Variants in KDM4B observed in about 807,000 individuals in gnomAD.
KDM4B encodes the protein lysine-specific demethylase 4B.
In KDM4B, 32 loss-of-function variants were observed where a neutral mutation model predicts 125.2. That is an observed-to-expected ratio of 0.26 (90% CI 0.19 to 0.34). KDM4B has a LOEUF of 0.34. KDM4B is among the 10% of genes least tolerant of loss of function. The pLI is 1.00. For missense variants in KDM4B, 1,190 were observed against 1,577.7 expected (o/e 0.75, Z 4.16); for synonymous variants, 721 against 677.9 (o/e 1.06, Z -0.99).
At position 5,105,789 on chromosome 19, in the gene KDM4B, C is replaced by T. The variant is rs779952072; in HGVS notation, c.919-4833C>T. ...AGTGACTGTTTGCAGCTTTACAGGC[C>T]GTGCATTCCCCATCTTGAATGTTCA... On this transcript the variant is annotated intron_variant, in intron 9 of 22. Transcript: ENST00000159111. 2.2e-4 allele frequency among the ~76,000 whole-genome samples: 34 copies of T among 152,194 alleles called. 1 individual carries two copies. Among genetic ancestry groups the T allele is most frequent in the Non-Finnish European group, 3.2e-4 (22 of 68,042 alleles).
At position 5,146,957 on chromosome 19, in the gene KDM4B, A is replaced by AC. The variant is rs1259210006; in HGVS notation, c.3021+2055_3021+2056insC. Among the ~76,000 whole-genome samples, 15 of 150,726 alleles carry AC rather than the reference A, an allele frequency of 1.0e-4. No homozygotes were observed. The East Asian group carries it at 2.1e-3, about 22-fold the overall frequency. ...CTGTCTCCAAAAAAAAAAAAAAAAA[A>AC]AAAAACAAAAACTCTGCTGGGAAGC... On this transcript the variant is annotated intron_variant, in intron 21 of 22. Transcript: ENST00000159111.
At chr19:5,052,194 C>T (rs1049166768) in intron 6 of KDM4B, among the ~76,000 whole-genome samples, 1 of 152,192 alleles carries the variant, frequency 6.6e-6, no homozygotes, top group Non-Finnish European at 1.5e-5. Context: ...CGTTTTCCCT[C>T]ATGGGAATTT....
chr19:4,990,842 C>T (rs999298254), intron 1 of KDM4B, among the ~76,000 whole-genome samples: 10 of 151,782 alleles, frequency 6.6e-5, no homozygotes, highest in East Asian at 1.9e-4. Flanking sequence ...TATTATGGGC[C>T]GGGTATGATG....
At chr19:5,070,811 T>C in intron 6 of KDM4B, 199 bp from the exon 7 acceptor site, 2 of 519,150 alleles carry the variant, frequency 3.9e-6, no homozygotes, top group Non-Finnish European at 6.9e-6. Context: ...CTCCTCCACC[T>C]GCCCCACCTC....
At position 5,077,355 on chromosome 19, in the gene KDM4B, T is replaced by C; in HGVS notation, c.677-12T>C. The stretch of plus-strand genomic sequence containing the variant: ...TGGCCCAGGAGACTGACGTCTGTCT[T>C]TTCGGCCCTAGGCTTCTTCCCCGGG... On this transcript the variant is annotated splice_polypyrimidine_tract_variant and intron_variant, in intron 7 of 22. Coordinates refer to ENST00000159111, the MANE Select transcript of KDM4B (RefSeq NM_015015.3). 6.2e-7 allele frequency: 1 copy of C among 1,610,978 alleles called. No homozygotes were observed. Among genetic ancestry groups the C allele is most frequent in the Non-Finnish European group, 8.5e-7 (1 of 1,179,108 alleles).
chr19:4,978,165 G>C (rs141659160), intron 1 of KDM4B, among the ~76,000 whole-genome samples: 4 of 152,112 alleles, frequency 2.6e-5, no homozygotes, highest in African/African-American at 9.7e-5. Context: ...CTTCCCCCAG[G>C]AAGGGGGGAC....
At chr19:5,034,050 C>A (rs917180291) in intron 3 of KDM4B, among the ~76,000 whole-genome samples, 1 of 152,244 alleles carries the variant, frequency 6.6e-6, no homozygotes. Context: ...GGGAGGATCA[C>A]TTGAGCCAGG....
intron 11 of KDM4B, among the ~76,000 whole-genome samples, chr19:5,126,402 C>T (rs575200560): frequency 5.9e-5 from 9 of 152,314 alleles, no homozygotes; most frequent in African/African-American, 2.2e-4. Flanking sequence ...CTCTCCTGAG[C>T]CTCCGGGGAG....
At chr19:5,091,127 G>A (rs779211072) in intron 9 of KDM4B, among the ~76,000 whole-genome samples, 8 of 152,246 alleles carry the variant, frequency 5.3e-5, no homozygotes, top group South Asian at 2.1e-4. Flanking sequence ...AAGCCTGCAC[G>A]CCATGTTAGA....
In KDM4B at chr19:5,017,326, A is replaced by AC. The variant is rs554009104; in HGVS notation, c.-26+992dup. On this transcript the variant is annotated intron_variant, in intron 2 of 22. Coordinates refer to ENST00000159111, the MANE Select transcript of KDM4B (RefSeq NM_015015.3). ...AACTATGGCCCCTGGACCCAATCTG[A>AC]CCCCCTGTTTTTATAAATAAAGTTT... 1.1e-3 allele frequency among the ~76,000 whole-genome samples: 174 copies of AC among 151,880 alleles called. 1 individual carries two copies. Among genetic ancestry groups the AC allele is most frequent in the African/African-American group, 4.1e-3 (169 of 41,380 alleles).
rs184651780 is a variant in KDM4B, at chr19:5,057,656, C to T, written c.626+9987C>T. On this transcript the variant is annotated intron_variant, in intron 6 of 22. Transcript: ENST00000159111. ...CTGGCTCCACGTCCTTGTTCACGGA[C>T]GAGGCACAGATTGAAGAGACGTCCG... Among the ~76,000 whole-genome samples the T allele has an allele frequency of 1.1e-3, 173 of 152,240 alleles. 1 individual carries two copies. The highest frequency in any genetic ancestry group is 3.6e-3 in the African/African-American group (151 of 41,546).
intron 9 of KDM4B, among the ~76,000 whole-genome samples, chr19:5,091,500 C>T (rs183925674): frequency 8.5e-4 from 129 of 152,268 alleles, no homozygotes; most frequent in South Asian, 6.2e-3. Flanking sequence ...ACGGCCCACT[C>T]GGCACCACCC....
At chr19:5,096,119 A>T (rs1479304084) in intron 9 of KDM4B, among the ~76,000 whole-genome samples, 5 of 142,660 alleles carry the variant, frequency 3.5e-5, no homozygotes, top group African/African-American at 1.3e-4. Flanking sequence ...GGAGTTTTGC[A>T]CTGTCACCCA....
intron 8 of KDM4B, among the ~76,000 whole-genome samples, chr19:5,079,704 A>C (rs2038228260): frequency 6.6e-6 from 1 of 152,202 alleles, no homozygotes; most frequent in Admixed American, 6.5e-5. Context: ...GGATAAAGGA[A>C]TCAGTAATGG....
At chr19:5,070,551 A>C in intron 6 of KDM4B, 1 of 154,436 alleles carries the variant, frequency 6.5e-6, no homozygotes, top group Non-Finnish European at 1.4e-5. Context: ...AGTGCCGGGA[A>C]AGGGTGACGT....
chr19:5,097,721 C>T (rs767008786), intron 9 of KDM4B, among the ~76,000 whole-genome samples: 1 of 152,254 alleles, frequency 6.6e-6, no homozygotes, highest in African/African-American at 2.4e-5. Flanking sequence ...GGGCAGAGAG[C>T]GCGTTGGCCA....
rs372741735 is a variant in KDM4B at position 5,127,644 on chromosome 19, G to A, written c.1316-3432G>A. ...TTTGTCTCCCATGCCTGGTCCCTCC[G>A]GGAGACAGAACCAGGCAGCCAACCA... is the stretch of plus-strand genomic sequence containing the variant. On this transcript the variant is annotated intron_variant, in intron 11 of 22. Coordinates refer to ENST00000159111, the MANE Select transcript of KDM4B (RefSeq NM_015015.3). 1.7e-4 allele frequency among the ~76,000 whole-genome samples: 26 copies of A among 152,320 alleles called. No individual in the cohort carries two copies. In the South Asian group the frequency reaches 3.5e-3, roughly 21 times the overall value.
At chr19:5,007,973 C>T (rs1022323109) in intron 1 of KDM4B, among the ~76,000 whole-genome samples, 1 of 152,152 alleles carries the variant, frequency 6.6e-6, no homozygotes, top group Non-Finnish European at 1.5e-5. Flanking sequence ...CTATGGTTTT[C>T]CTAAGAGTTG....
chr19:5,132,051 G>T, intron 13 of KDM4B, 44 bp downstream of exon 13: 2 of 1,528,898 alleles, frequency 1.3e-6, no homozygotes, highest in Non-Finnish European at 8.8e-7. Context: ...GCCCTGCTCC[G>T]CGCTCTGCTG....
Sources: gnomAD v4.1 joint callset for allele counts (sites outside exome capture counted in the v4.1 genomes callset) on GRCh38, gnomAD v4.1.1 for gene constraint, MANE v1.5 for transcripts, NCBI Gene and HGNC (gene_info 2026-07-23, HGNC 2026-07-21) for gene names.